ROBO2: variants seen among roughly 807,000 people sequenced by gnomAD.
ROBO2 encodes the protein roundabout homolog 2.
A neutral mutation model predicts 160.8 loss-of-function variants in ROBO2; 53 were observed. The ratio of observed to expected loss-of-function variants is 0.33; its 90% CI spans 0.26 to 0.41. The LOEUF (loss-of-function observed/expected upper bound fraction) is 0.41. ROBO2 is among the 10% of genes least tolerant of loss of function. ROBO2 has a pLI of 1.00. For missense variants in ROBO2, 1,577 were observed against 1,722.4 expected (o/e 0.92, Z 1.49); for synonymous variants, 664 against 611.7 (o/e 1.09, Z -1.26).
chr3:76,876,807 T>C (rs1164590397), intron 2 of ROBO2, among the ~76,000 whole-genome samples: 2 of 152,154 alleles, frequency 1.3e-5, no homozygotes, highest in Non-Finnish European at 2.9e-5. Flanking sequence ...TCCAGAATAA[T>C]TGCATGCAAG....
At chr3:77,492,006 A>G (rs2086184700) in intron 4 of ROBO2, among the ~76,000 whole-genome samples, 1 of 152,156 alleles carries the variant, frequency 6.6e-6, no homozygotes, top group Non-Finnish European at 1.5e-5. Context: ...CTTAACATCT[A>G]TTATTTGAAG....
In ROBO2 at chr3:76,049,403, A is replaced by ATTTTT. The variant is rs1167852972; in HGVS notation, c.109+111818_109+111822dup. ...TTTTAGTATATATATATATATATATATTTTTTTTTTTTTTTTTTTTTGTAG... is the reference window on the plus strand; with the variant it reads ...TTTTAGTATATATATATATATATATATTTTTTTTTTTTTTTTTTTTTTTTTTGTAG... On this transcript the variant is annotated intron_variant, in intron 2 of 26. Transcript: ENST00000487694. 5.1e-3 allele frequency among the ~76,000 whole-genome samples: 273 copies of ATTTTT among 53,738 alleles called. 27 individuals carry two copies. Among genetic ancestry groups the ATTTTT allele is most frequent in the African/African-American group, 0.035 (237 of 6,834 alleles). 35.3% of individuals were successfully genotyped at this position (53,738 alleles called of 152,430 possible).
chr3:76,741,575 T>C (rs1191901245), intron 2 of ROBO2, among the ~76,000 whole-genome samples: 1 of 152,034 alleles, frequency 6.6e-6, no homozygotes, highest in Non-Finnish European at 1.5e-5. Context: ...GAGGAGGTAA[T>C]AAAAACAGAC....
intron 2 of ROBO2, among the ~76,000 whole-genome samples, chr3:76,833,565 T>C (rs1217238644): frequency 6.6e-6 from 1 of 152,182 alleles, no homozygotes; most frequent in Non-Finnish European, 1.5e-5. Flanking sequence ...TAAAGAGATA[T>C]CCACTAAACT....
chr3:76,591,304 T>C (rs770160588), intron 2 of ROBO2, among the ~76,000 whole-genome samples: 15 of 152,034 alleles, frequency 9.9e-5, no homozygotes, highest in Non-Finnish European at 1.3e-4. Context: ...CTCCCTTGAG[T>C]AGACTGAGAA....
At chr3:76,377,949 C>T (rs896374608) in intron 2 of ROBO2, among the ~76,000 whole-genome samples, 2 of 152,098 alleles carry the variant, frequency 1.3e-5, no homozygotes, top group Admixed American at 6.6e-5. Context: ...TAATGCATTG[C>T]TAGGAGCACG....
intron 2 of ROBO2, among the ~76,000 whole-genome samples, chr3:76,465,622 A>G (rs1395063967): frequency 6.6e-6 from 1 of 152,008 alleles, no homozygotes; most frequent in Non-Finnish European, 1.5e-5. Context: ...CTGAAGATAG[A>G]TGTTTCTAAT....
Position 76,729,675 on chromosome 3 carries a change from T to C in ROBO2, c.110-368339T>C, listed in dbSNP as rs145103521. 7.3e-3 allele frequency among the ~76,000 whole-genome samples: 1,105 copies of C among 151,806 alleles called. 4 individuals carry two copies. The highest frequency in any genetic ancestry group is 0.012 in the Non-Finnish European group (796 of 67,898). On this transcript the variant is annotated intron_variant, in intron 2 of 26. Coordinates refer to the ROBO2 transcript ENST00000487694. The stretch of plus-strand genomic sequence containing the variant: ...TTTTTTGAGACAGTGTCTCACTCTG[T>C]TGCCCAGGTTGGAGCACAGTGGTTA...
At chr3:76,058,882 G>T (rs959848260) in intron 2 of ROBO2, among the ~76,000 whole-genome samples, 1 of 140,430 alleles carries the variant, frequency 7.1e-6, no homozygotes. Context: ...TCCCACCTAT[G>T]AGTGAGAACA....
At chr3:77,623,349 C>T (rs989254342) in intron 23 of ROBO2, among the ~76,000 whole-genome samples, 2 of 152,154 alleles carry the variant, frequency 1.3e-5, no homozygotes, top group African/African-American at 2.4e-5. Flanking sequence ...CATCTTTCAT[C>T]CTAGGAGATA....
At chr3:76,928,057 A>G (rs527393792) in intron 2 of ROBO2, among the ~76,000 whole-genome samples, 8 of 152,324 alleles carry the variant, frequency 5.3e-5, no homozygotes, top group Admixed American at 3.3e-4. Flanking sequence ...TACATGGCAA[A>G]GAGCAATTAA....
At chr3:76,498,240 A>G (rs758273813) in intron 2 of ROBO2, among the ~76,000 whole-genome samples, 1 of 152,222 alleles carries the variant, frequency 6.6e-6, no homozygotes, top group Non-Finnish European at 1.5e-5. Context: ...TATTTGAAAC[A>G]TAATTGTATG....
chr3:76,352,692 A>T (rs936587182), intron 2 of ROBO2, among the ~76,000 whole-genome samples: 3 of 151,964 alleles, frequency 2.0e-5, no homozygotes, highest in African/African-American at 7.2e-5. Context: ...CTTTATGTGC[A>T]GTCTCCTGTG....
intron 2 of ROBO2, among the ~76,000 whole-genome samples, chr3:76,992,368 TAAA>T (rs1559812374): frequency 2.6e-5 from 1 of 38,284 alleles, no homozygotes; most frequent in Non-Finnish European, 4.6e-5. Context: ...TATATATATA[TAAA>T]TTTAGCTTTT....
intron 2 of ROBO2, among the ~76,000 whole-genome samples, chr3:77,145,025 A>C (rs1171600460): frequency 6.6e-6 from 1 of 152,118 alleles, no homozygotes; most frequent in Middle Eastern, 3.4e-3. Flanking sequence ...TTTTTTTGTC[A>C]TTTTCTCTTA....
upstream of ROBO2, among the ~76,000 whole-genome samples, chr3:77,038,371 C>T (rs1403640127): frequency 6.6e-6 from 1 of 152,076 alleles, no homozygotes; most frequent in East Asian, 1.9e-4. Flanking sequence ...ATTTCATTAC[C>T]GTAATTTTCA....
At chr3:77,352,745 A>G (rs2153459728) in intron 2 of ROBO2, among the ~76,000 whole-genome samples, 1 of 152,312 alleles carries the variant, frequency 6.6e-6, no homozygotes, top group East Asian at 1.9e-4. Flanking sequence ...CATCAACTGA[A>G]AAGTCACCAG....
chr3:76,282,842 A>C (rs2107673977), intron 2 of ROBO2, among the ~76,000 whole-genome samples: 1 of 151,954 alleles, frequency 6.6e-6, no homozygotes, highest in East Asian at 1.9e-4. Context: ...AATCTCAGTA[A>C]GAAAACACAC....
chr3:76,858,245 G>A (rs116389061), intron 2 of ROBO2, among the ~76,000 whole-genome samples: 15 of 152,226 alleles, frequency 9.9e-5, no homozygotes, highest in African/African-American at 2.9e-4. Flanking sequence ...GTTTATCACA[G>A]TGCCAACATA....
Sources: gnomAD v4.1 joint callset for allele counts (sites outside exome capture counted in the v4.1 genomes callset) on GRCh38, gnomAD v4.1.1 for gene constraint, MANE v1.5 for transcripts, NCBI Gene and HGNC (gene_info 2026-07-23, HGNC 2026-07-21) for gene names.